Variants in MCTP2 observed in about 807,000 individuals in gnomAD.
MCTP2 encodes the protein multiple C2 and transmembrane domain-containing protein 2.
A neutral mutation model predicts 111.6 loss-of-function variants in MCTP2; 132 were observed. The ratio of observed to expected loss-of-function variants is 1.18; its 90% CI spans 1.03 to 1.37. MCTP2 has a LOEUF of 1.37. Among genes scored for constraint, MCTP2 ranks in the 40% most tolerant of loss-of-function variants. The pLI is 0.00. For synonymous variants in MCTP2, 395 were observed against 387.7 expected, an observed-to-expected ratio of 1.02 and a Z score of -0.22; for missense variants, 1,183 against 1,067.9, an observed-to-expected ratio of 1.11 and a Z score of -1.50.
At chr15:94,437,556 G>T (rs1245520003) in intron 17 of MCTP2, among the ~76,000 whole-genome samples, 1 of 151,942 alleles carries the variant, frequency 6.6e-6, no homozygotes, top group African/African-American at 2.4e-5. Context: ...TTAATATCAA[G>T]ATACCAATTA....
intron 22 of MCTP2, 111 bp downstream of exon 22, chr15:94,476,904 A>G (rs2074412565): frequency 3.0e-6 from 2 of 671,470 alleles, no homozygotes; most frequent in Non-Finnish European, 5.2e-6. Context: ...ATAAGGAACC[A>G]GAAAATCCTT....
In MCTP2 at chr15:94,411,086, G is replaced by A. The variant is rs1037924575; in HGVS notation, c.2085+9067G>A. On this transcript the variant is annotated intron_variant, in intron 17 of 22. Coordinates refer to ENST00000357742, the MANE Select transcript of MCTP2 (RefSeq NM_001385001.1). Reference sequence around the variant, plus strand: ...ATTTTTGATATTTTCAGAACTGAATGCCTTTTCTCCCCTTTCATTTGTTTC... The same window carrying A: ...ATTTTTGATATTTTCAGAACTGAATACCTTTTCTCCCCTTTCATTTGTTTC... Among the ~76,000 whole-genome samples the A allele has an allele frequency of 3.3e-5, 5 of 152,166 alleles. 1 individual carries two copies. The highest frequency in any genetic ancestry group is 2.0e-4 in the Admixed American group (3 of 15,276).
intron 1 of MCTP2, among the ~76,000 whole-genome samples, chr15:94,281,904 G>A (rs2074507673): frequency 6.6e-6 from 1 of 152,048 alleles, no homozygotes; most frequent in Non-Finnish European, 1.5e-5. Context: ...CTACTGAAAG[G>A]CCCATCTTTG....
At chr15:94,267,964 C>T (rs2073659999) in intron 1 of MCTP2, among the ~76,000 whole-genome samples, 1 of 143,810 alleles carries the variant, frequency 7.0e-6, no homozygotes, top group Non-Finnish European at 1.5e-5. Context: ...CTCCTGGGTT[C>T]ACGCCATTCT....
intron 9 of MCTP2, 33 bp downstream of exon 9, chr15:94,356,334 A>G (rs1054954210): frequency 2.0e-6 from 3 of 1,474,570 alleles, no homozygotes; most frequent in South Asian, 1.5e-5. Flanking sequence ...GGAGAACAGT[A>G]TCTTTAAAAT....
chr15:94,237,558 T>C (rs1336401195), intron 1 of MCTP2, among the ~76,000 whole-genome samples: 1 of 152,122 alleles, frequency 6.6e-6, no homozygotes, highest in Non-Finnish European at 1.5e-5. Flanking sequence ...CATGACTTAC[T>C]TTCCAATCTG....
chr15:94,460,007 A>T (rs1241283331), intron 20 of MCTP2, among the ~76,000 whole-genome samples: 1 of 152,220 alleles, frequency 6.6e-6, no homozygotes, highest in Non-Finnish European at 1.5e-5. Context: ...GTAGTCCAAG[A>T]TCACACAACT....
intron 22 of MCTP2, among the ~76,000 whole-genome samples, chr15:94,478,437 G>T (rs1431020819): frequency 2.6e-5 from 4 of 152,194 alleles, no homozygotes; most frequent in Non-Finnish European, 5.9e-5. Flanking sequence ...ATTTATCACA[G>T]ATGTTTTAGT....
chr15:94,267,991 G>A (rs1215813909), intron 1 of MCTP2, among the ~76,000 whole-genome samples: 25 of 147,150 alleles, frequency 1.7e-4, no homozygotes, highest in Admixed American at 4.1e-4. Context: ...TCAGCCTCCC[G>A]AGTAGCTGGG....
intron 1 of MCTP2, among the ~76,000 whole-genome samples, chr15:94,232,722 G>A (rs1351620300): frequency 6.6e-6 from 1 of 152,118 alleles, no homozygotes; most frequent in Non-Finnish European, 1.5e-5. Flanking sequence ...ATGGTGCTGC[G>A]CTTTGCCTCA....
chr15:94,447,647 G>GA (rs397815130), intron 19 of MCTP2, among the ~76,000 whole-genome samples: 18 of 152,098 alleles, frequency 1.2e-4, no homozygotes, highest in African/African-American at 4.3e-4. Context: ...AAAGTTCTGG[G>GA]ATTACAGGCA....
At chr15:94,470,276 ACT>A (rs1596841911) in intron 20 of MCTP2, 55 bp from the exon 21 acceptor site, 8 of 1,182,668 alleles carry the variant, frequency 6.8e-6, no homozygotes, top group East Asian at 2.3e-5. Flanking sequence ...TGACAAGTTG[ACT>A]CTGTGGCAGT....
chr15:94,360,850 G>T (rs901266449), intron 10 of MCTP2, among the ~76,000 whole-genome samples: 3 of 119,466 alleles, frequency 2.5e-5, no homozygotes, highest in African/African-American at 9.8e-5. Flanking sequence ...GAATTTTAAA[G>T]AATTTTTTTT....
At chr15:94,468,294 A>ATAGGTATTATTATTAT (rs1193123422) in intron 20 of MCTP2, among the ~76,000 whole-genome samples, 4 of 152,194 alleles carry the variant, frequency 2.6e-5, no homozygotes, top group African/African-American at 9.6e-5. Flanking sequence ...AATCTGTGAT[A>ATAGGTATTATTATTAT]TAGGTATTAT....
intron 17 of MCTP2, among the ~76,000 whole-genome samples, chr15:94,426,137 AGATT>A (rs1294962898): frequency 9.0e-5 from 9 of 99,792 alleles, no homozygotes; most frequent in African/African-American, 2.8e-4. Context: ...AGAGAGAGAG[AGATT>A]GAGAGAGAGA....
chr15:94,453,995 T>A (rs1330830494), intron 19 of MCTP2, among the ~76,000 whole-genome samples: 2 of 152,182 alleles, frequency 1.3e-5, no homozygotes, highest in African/African-American at 4.8e-5. Context: ...ATTTATATCA[T>A]TTTCCACTTC....
At chr15:94,455,852 A>G (rs1265967365) in intron 19 of MCTP2, among the ~76,000 whole-genome samples, 1 of 152,244 alleles carries the variant, frequency 6.6e-6, no homozygotes, top group Non-Finnish European at 1.5e-5. Context: ...ATTAAAAAGT[A>G]CATTCTTTTG....
chr15:94,244,192 TTATA>T (rs1243216939), intron 1 of MCTP2, among the ~76,000 whole-genome samples: 11 of 142,718 alleles, frequency 7.7e-5, no homozygotes, highest in Non-Finnish European at 1.4e-4. Context: ...GTGTATATGT[TTATA>T]TACACGTGTA....
chr15:94,461,774 G>T (rs183676071), intron 20 of MCTP2, among the ~76,000 whole-genome samples: 24 of 152,254 alleles, frequency 1.6e-4, no homozygotes, highest in Non-Finnish European at 2.2e-4. Context: ...TAAGTGGTTG[G>T]AATCCTGAGG....
Sources: allele counts gnomAD v4.1 joint callset (sites outside exome capture counted in the v4.1 genomes callset), GRCh38; gene constraint gnomAD v4.1.1; transcripts MANE v1.5; gene names NCBI Gene and HGNC (gene_info 2026-07-23, HGNC 2026-07-21).